Variants in SAMD4A observed in about 807,000 individuals in gnomAD.
SAMD4A encodes the protein protein Smaug homolog 1.
In SAMD4A, 33 loss-of-function variants were observed where a neutral mutation model predicts 81.3. The observed-to-expected ratio is 0.41, with a 90% CI of 0.31 to 0.54. The LOEUF (loss-of-function observed/expected upper bound fraction) is 0.54. Among genes scored for constraint, SAMD4A ranks in the 20% least tolerant of loss-of-function variants. SAMD4A has a pLI of 0.37. For missense variants in SAMD4A, 854 were observed against 951.1 expected (o/e 0.90, Z 1.34); for synonymous variants, 389 against 382.1 (o/e 1.02, Z -0.21).
intron 2 of SAMD4A, among the ~76,000 whole-genome samples, chr14:54,683,818 G>A (rs887103471): frequency 1.3e-5 from 2 of 152,158 alleles, no homozygotes; most frequent in Non-Finnish European, 2.9e-5. Context: ...GATCCAGGTG[G>A]GCACAGTCTT....
chr14:54,665,593 CT>C (rs1410437897), intron 2 of SAMD4A, among the ~76,000 whole-genome samples: 2 of 152,162 alleles, frequency 1.3e-5, no homozygotes, highest in East Asian at 3.8e-4. Flanking sequence ...ATAGATTTGT[CT>C]TTTGCCTGTC....
rs370528844 is a variant in SAMD4A at position 54,791,572 on chromosome 14, A to T, written c.*2628A>T. On this transcript the variant is annotated 3_prime_UTR_variant, in exon 13 of 13. Coordinates refer to ENST00000554335, the MANE Select transcript of SAMD4A (RefSeq NM_015589.6). ...AAAGTCTGTTATTAATAACAACATA[A>T]TTCTTTTTTTAAAGAAGAAAAGCTT... is the stretch of plus-strand genomic sequence containing the variant. 1 of 152,052 alleles carries T rather than the reference A, an allele frequency of 6.6e-6. No individual in the cohort carries two copies. The highest frequency in any genetic ancestry group is 2.4e-5 in the African/African-American group (1 of 41,464). The allele number at this position is 152,052 out of a possible 1,614,324, so 9.4% of individuals were successfully genotyped here. A position where few individuals can be genotyped will look rare whatever the true frequency, so the allele number is the denominator to read the frequency against.
intron 11 of SAMD4A, among the ~76,000 whole-genome samples, chr14:54,777,681 G>T (rs1361391243): frequency 6.6e-6 from 1 of 151,974 alleles, no homozygotes; most frequent in African/African-American, 2.4e-5. Context: ...GGGTGGGGGG[G>T]TAGGCTGGAA....
Position 54,774,924 on chromosome 14 carries a change from G to T in SAMD4A, c.1716-10G>T. The T allele has an allele frequency of 6.2e-7, 1 of 1,613,990 alleles. No individual in the cohort carries two copies. On this transcript the variant is annotated splice_polypyrimidine_tract_variant and intron_variant, in intron 9 of 12. Transcript: ENST00000554335. ...CTGATATTCTCTTCCTTCTCTCTTG[G>T]CTCTCACAGTCGAGGCTTTGGGCAA...
chr14:54,677,415 T>A (rs1205093692), intron 2 of SAMD4A, among the ~76,000 whole-genome samples: 1 of 152,208 alleles, frequency 6.6e-6, no homozygotes, highest in African/African-American at 2.4e-5. Context: ...AGTATTCTAA[T>A]GTGGTTTATT....
chr14:54,623,268 T>C (rs2034662132), intron 2 of SAMD4A, among the ~76,000 whole-genome samples: 1 of 152,088 alleles, frequency 6.6e-6, no homozygotes, highest in African/African-American at 2.4e-5. Context: ...GTTTTTGCTC[T>C]CAGAGGGCCA....
At chr14:54,683,627 G>A (rs765824124) in intron 2 of SAMD4A, among the ~76,000 whole-genome samples, 149 of 152,256 alleles carry the variant, frequency 9.8e-4, no homozygotes, top group Non-Finnish European at 1.6e-3. Flanking sequence ...CCTGAGGACC[G>A]CCTGTCTCAT....
intron 2 of SAMD4A, among the ~76,000 whole-genome samples, chr14:54,648,818 C>G (rs1226544165): frequency 6.6e-6 from 1 of 152,118 alleles, no homozygotes; most frequent in Non-Finnish European, 1.5e-5. Flanking sequence ...AAAATGACCA[C>G]TCTGAATGCG....
At position 54,757,425 on chromosome 14, in the gene SAMD4A, G is replaced by GTTT. The variant is rs1555351353; in HGVS notation, c.1177-2735_1177-2734insTTT. 3.5e-3 allele frequency among the ~76,000 whole-genome samples: 470 copies of GTTT among 136,098 alleles called. 1 individual carries two copies. The highest frequency in any genetic ancestry group is 8.0e-3 in the South Asian group (33 of 4,108). The allele number at this position is 136,098 out of a possible 152,430, so 89.3% of individuals were successfully genotyped here. On this transcript the variant is annotated intron_variant, in intron 6 of 12. Coordinates refer to ENST00000554335, the MANE Select transcript of SAMD4A (RefSeq NM_015589.6). ...TGTGTGTGTGTGTGTGTGTGTGTGT[G>GTTT]TGTTTTGTTTTGTTTTGTTTGGTGT...
chr14:54,788,994 G>A lies in SAMD4A; in HGVS notation c.*50G>A, dbSNP rs1257137913. 2 of 1,595,808 alleles carry A rather than the reference G, an allele frequency of 1.3e-6. No homozygotes were observed. The highest frequency in any genetic ancestry group is 3.3e-5 in the Admixed American group (2 of 59,990). ...CTGGCCGTGAAATCGACTGCTGCGG[G>A]TCCAGTGTCCGCCATCTTCAGGGTT... On this transcript the variant is annotated 3_prime_UTR_variant, in exon 13 of 13. Transcript: ENST00000554335.
chr14:54,615,880 C>A (rs2034477458), intron 2 of SAMD4A, among the ~76,000 whole-genome samples: 2 of 151,494 alleles, frequency 1.3e-5, no homozygotes, highest in Admixed American at 1.3e-4. Flanking sequence ...GTATAGGGAC[C>A]CTCCCCTCCC....
At chr14:54,765,568 A>T (rs539905866) in intron 8 of SAMD4A, among the ~76,000 whole-genome samples, 2 of 151,836 alleles carry the variant, frequency 1.3e-5, no homozygotes, top group East Asian at 3.9e-4. Flanking sequence ...CCAAGGCTAC[A>T]GTGAGCTATG....
intron 2 of SAMD4A, among the ~76,000 whole-genome samples, chr14:54,639,307 G>C (rs914236167): frequency 2.0e-5 from 3 of 152,208 alleles, no homozygotes; most frequent in Non-Finnish European, 4.4e-5. Context: ...ATCTCCTCTA[G>C]CCTGCAGTCA....
At chr14:54,581,325 AT>A (rs2033459404) in intron 2 of SAMD4A, among the ~76,000 whole-genome samples, 1 of 152,232 alleles carries the variant, frequency 6.6e-6, no homozygotes, top group Non-Finnish European at 1.5e-5. Context: ...AAAGATGACC[AT>A]GGTTTCTTTT....
intron 2 of SAMD4A, among the ~76,000 whole-genome samples, chr14:54,668,184 T>C (rs1045739709): frequency 6.6e-6 from 1 of 152,218 alleles, no homozygotes; most frequent in African/African-American, 2.4e-5. Context: ...TGTGGCCTAG[T>C]TCCTACATAC....
chr14:54,737,639 C>A (rs2037733899), intron 4 of SAMD4A, among the ~76,000 whole-genome samples: 1 of 146,974 alleles, frequency 6.8e-6, no homozygotes, highest in South Asian at 2.2e-4. Flanking sequence ...AGCTACTGAG[C>A]TGCTCCAACC....
At position 54,702,404 on chromosome 14, in the gene SAMD4A, G is replaced by T; in HGVS notation, c.539G>T (p.Arg180Ile). 1 of 1,614,192 alleles carries T rather than the reference G, an allele frequency of 6.2e-7. No individual in the cohort carries two copies. Among genetic ancestry groups the T allele is most frequent in the Non-Finnish European group, 8.5e-7 (1 of 1,180,014 alleles). Residue 180 changes from arginine (R) to isoleucine (I), a missense_variant, in exon 3 of 13, where the codon AGA (arginine) becomes ATA (isoleucine). Physicochemically the swap from Arg to Ile is moderately conservative, Grantham distance 97. Transcript: ENST00000554335. ...GGACAGACACACTACTATCACCAAA[G>T]ACAGAACTCTGATGACAAGCTCAAT... ...DYGQTHYYHQ[R>I]QNSDDKLNGW... is the part of the protein sequence containing the mutation.
intron 2 of SAMD4A, among the ~76,000 whole-genome samples, chr14:54,597,357 C>G (rs2033937766): frequency 6.6e-6 from 1 of 151,940 alleles, no homozygotes; most frequent in Non-Finnish European, 1.5e-5. Context: ...TCACCACAAC[C>G]TCTGCCTCCC....
At chr14:54,685,000 A>G (rs1309808999) in intron 2 of SAMD4A, among the ~76,000 whole-genome samples, 3 of 152,246 alleles carry the variant, frequency 2.0e-5, no homozygotes, top group Non-Finnish European at 4.4e-5. Flanking sequence ...AAATCATACC[A>G]CCTAAAGATT....
Sources: allele counts gnomAD v4.1 joint callset (sites outside exome capture counted in the v4.1 genomes callset), GRCh38; gene constraint gnomAD v4.1.1; transcripts MANE v1.5; gene names NCBI Gene and HGNC (gene_info 2026-07-23, HGNC 2026-07-21).